Variants in TNRC6C observed in about 807,000 individuals in gnomAD.
The protein encoded by TNRC6C is trinucleotide repeat containing adaptor 6C.
A neutral mutation model predicts 153.7 loss-of-function variants in TNRC6C; 20 were observed. The ratio of observed to expected loss-of-function variants is 0.13; its 90% confidence interval spans 0.09 to 0.19. TNRC6C has a LOEUF of 0.19. Ranked by LOEUF, TNRC6C falls within the 10% of genes least tolerant of loss-of-function variation. The probability of loss-of-function intolerance (pLI) is 1.00; values close to 1 mark genes in which losing one functional copy is unlikely to be tolerated. For synonymous variants in TNRC6C, 811 were observed against 841.4 expected, an observed-to-expected ratio of 0.96 and a Z score of 0.63; for missense variants, 1,987 against 2,172.0, an observed-to-expected ratio of 0.91 and a Z score of 1.69.
At chr17:78,023,672 G>T (rs1598701211) in intron 1 of TNRC6C, among the ~76,000 whole-genome samples, 2 of 152,152 alleles carry the variant, frequency 1.3e-5, no homozygotes, top group African/African-American at 4.8e-5. Context: ...TGGGCATGGT[G>T]ATACACATCT....
At chr17:78,089,488 T>C (rs1173162552) in intron 13 of TNRC6C, among the ~76,000 whole-genome samples, 2 of 152,170 alleles carry the variant, frequency 1.3e-5, no homozygotes, top group Admixed American at 6.5e-5. Context: ...GCAGCACCTA[T>C]GTTGAAGAGC....
At chr17:78,040,756 G>T (rs1247133759) in intron 2 of TNRC6C, among the ~76,000 whole-genome samples, 4 of 152,200 alleles carry the variant, frequency 2.6e-5, no homozygotes, top group Admixed American at 2.6e-4. Context: ...ACAATCGAAA[G>T]AATTTAAAGA....
At chr17:78,093,634 G>A in exon 16 of TNRC6C, 1 of 1,613,972 alleles carries the variant, frequency 6.2e-7, no homozygotes, top group Non-Finnish European at 8.5e-7. Context: ...CCATCCGGGA[G>A]TTCCATGGAA....
chr17:77,998,444 C>T (rs998212164), intron 1 of TNRC6C, among the ~76,000 whole-genome samples: 3 of 152,192 alleles, frequency 2.0e-5, no homozygotes, highest in African/African-American at 7.2e-5. Context: ...TCCTTCTCCA[C>T]CTCTGGGCCT....
At position 78,049,060 on chromosome 17, in the gene TNRC6C, A is replaced by T; in HGVS notation, c.-3A>T. On this transcript the variant is annotated 5_prime_UTR_variant, in exon 3 of 20. Transcript: ENST00000301624. The surrounding 1 kb of genome is among the most constrained non-coding windows in gnomAD (Gnocchi z 4.1). ...CTCCAACTGTGGCTCAGAGAACAGT[A>T]GCATGGCTACAGGGAGTGCCCAGGG... 6.6e-7 allele frequency: 1 copy of T among 1,522,990 alleles called. No homozygotes were observed. The highest frequency in any genetic ancestry group is 8.8e-7 in the Non-Finnish European group (1 of 1,134,670). 94.3% of individuals were successfully genotyped at this position (1,522,990 alleles called of 1,614,324 possible).
chr17:78,058,802 C>T (rs2072708674), intron 3 of TNRC6C, among the ~76,000 whole-genome samples: 2 of 152,170 alleles, frequency 1.3e-5, no homozygotes, highest in Admixed American at 1.3e-4. Context: ...CTGTGGGCTC[C>T]TACAAGTCGG....
At position 78,049,453 on chromosome 17, in the gene TNRC6C, A is replaced by G; in HGVS notation, c.391A>G (p.Ser131Gly). ...CCCTTCCAGTATTTGCAGTCCAGTC[A>G]GTGCCATAGGTCAAAATATGGGCAA... The change falls in exon 3 of 20, where the codon AGT (serine) becomes GGT (glycine). Residue 131 changes from serine (S) to glycine (G), a missense_variant. Physicochemically the swap from Ser to Gly is moderately conservative, Grantham distance 56. Transcript: ENST00000301624. This position sits in a 1 kb window ranked among gnomAD's most constrained non-coding sequence, Gnocchi z 4.1. The G allele has an allele frequency of 6.2e-7, 1 of 1,614,066 alleles. No homozygotes were observed. Among genetic ancestry groups the G allele is most frequent in the South Asian group, 1.1e-5 (1 of 91,090 alleles).
intron 1 of TNRC6C, among the ~76,000 whole-genome samples, chr17:78,024,982 CG>C (rs200064526): frequency 0.026 from 3,968 of 151,672 alleles, 183 homozygotes; most frequent in African/African-American, 0.091. Flanking sequence ...TTAATAGAGA[CG>C]GGGTTTCACC....
intron 3 of TNRC6C, among the ~76,000 whole-genome samples, chr17:78,063,021 G>A (rs889098567): frequency 1.3e-5 from 2 of 152,112 alleles, no homozygotes; most frequent in African/African-American, 2.4e-5. Context: ...TGAAGCGGGG[G>A]GATCACTTGA....
At chr17:78,039,729 A>G (rs2072255513) in intron 2 of TNRC6C, among the ~76,000 whole-genome samples, 1 of 152,192 alleles carries the variant, frequency 6.6e-6, no homozygotes, top group Non-Finnish European at 1.5e-5. Flanking sequence ...ACAGGGCAAT[A>G]AAGGCCTAGA....
At chr17:78,074,624 T>TC (rs1360753879) in intron 7 of TNRC6C, among the ~76,000 whole-genome samples, 1 of 152,056 alleles carries the variant, frequency 6.6e-6, no homozygotes, top group Non-Finnish European at 1.5e-5. Context: ...CAGTATTGTA[T>TC]CCCCCACATC....
intron 18 of TNRC6C, chr17:78,102,833 G>C: frequency 2.5e-6 from 1 of 400,514 alleles, no homozygotes; most frequent in East Asian, 5.1e-5. Flanking sequence ...TTTACAACTA[G>C]CCATTCAAGA....
Position 78,049,711 on chromosome 17 carries a change from A to G in TNRC6C, c.649A>G (p.Ile217Val), listed in dbSNP as rs778753502. 2.5e-6 allele frequency: 4 copies of G among 1,601,326 alleles called. No individual in the cohort carries two copies. Among genetic ancestry groups the G allele is most frequent in the Middle Eastern group, 1.7e-4 (1 of 6,014 alleles). ...GGGCATGGCTGTTGGTATGGGGGCCATCATCCCGCCCCACCTGCAAGGCCT... is the reference window on the plus strand; with the variant it reads ...GGGCATGGCTGTTGGTATGGGGGCCGTCATCCCGCCCCACCTGCAAGGCCT... The change falls in exon 3 of 20, where the codon ATC (isoleucine) becomes GTC (valine). Residue 217 changes from isoleucine to valine, a missense_variant. Transcript: ENST00000301624. This position sits in a 1 kb window ranked among gnomAD's most constrained non-coding sequence, Gnocchi z 4.1.
chr17:78,050,652 G>T, exon 3 of TNRC6C: 1 of 1,562,800 alleles, frequency 6.4e-7, no homozygotes, highest in Non-Finnish European at 8.7e-7. Context: ...ACAACAAAGC[G>T]CCAAGTGGCC....
chr17:78,050,041 G>T (rs373925530), exon 3 of TNRC6C: 63 of 1,612,184 alleles, frequency 3.9e-5, no homozygotes, highest in Non-Finnish European at 5.2e-5. Flanking sequence ...CCATTCAGGA[G>T]CTTGGGGCCA....
chr17:78,032,806 CTG>C (rs2072102081), intron 2 of TNRC6C, among the ~76,000 whole-genome samples: 1 of 152,180 alleles, frequency 6.6e-6, no homozygotes. Context: ...TTTTTCAAAA[CTG>C]TGACTTTGTA....
At chr17:78,077,129 G>T in intron 8 of TNRC6C, 56 bp from the exon 11 acceptor site, 2 of 1,540,336 alleles carry the variant, frequency 1.3e-6, no homozygotes, top group African/African-American at 1.4e-5. Context: ...AAACTGTTTG[G>T]TGCTTTGTCT....
At chr17:77,975,747 G>T (rs2070989058) in intron 1 of TNRC6C, among the ~76,000 whole-genome samples, 1 of 152,126 alleles carries the variant, frequency 6.6e-6, no homozygotes, top group South Asian at 2.1e-4. Flanking sequence ...TGCCACATAA[G>T]ACTTGAATAA....
At chr17:78,005,673 T>A (rs1347261225) in intron 1 of TNRC6C, among the ~76,000 whole-genome samples, 1 of 152,150 alleles carries the variant, frequency 6.6e-6, no homozygotes, top group African/African-American at 2.4e-5. Context: ...TACCTGTATG[T>A]TTAGTTATTT....
Sources: allele counts gnomAD v4.1 joint callset (sites outside exome capture counted in the v4.1 genomes callset), GRCh38; gene constraint gnomAD v4.1.1; non-coding constraint Gnocchi (gnomAD v3.1); transcripts MANE v1.5; gene names NCBI Gene and HGNC (gene_info 2026-07-23, HGNC 2026-07-21).